NLGN4X: variants seen among roughly 807,000 people sequenced by gnomAD.
NLGN4X encodes the protein neuroligin 4 X-linked, also known as neuroligin-4, X-linked.
Under a neutral mutation model 40.3 loss-of-function variants are expected in NLGN4X, and 3 were observed. That is an observed-to-expected ratio of 0.07 (90% confidence interval 0.03 to 0.19). The LOEUF is 0.19. Ranked by LOEUF, NLGN4X falls within the 10% of genes least tolerant of loss-of-function variation. The pLI is 1.00. For missense variants in NLGN4X, 382 were observed against 708.3 expected (o/e 0.54, Z 5.23); for synonymous variants, 270 against 306.8 (o/e 0.88, Z 1.25).
chrX:6,035,085 G>A, intron 2 of NLGN4X, among the ~76,000 whole-genome samples: 1 of 111,753 alleles, frequency 8.9e-6, no homozygotes, highest in Admixed American at 9.5e-5. Context: ...CACTGTCTTT[G>A]CAGAAATGTC....
intron 1 of NLGN4X, among the ~76,000 whole-genome samples, chrX:6,210,683 T>G (rs1924522662): frequency 8.9e-6 from 1 of 111,936 alleles, no homozygotes; most frequent in Non-Finnish European, 1.9e-5. Flanking sequence ...CAACTACATT[T>G]TCCAATTCTA....
chrX:5,964,106 G>C (rs1035479758), intron 3 of NLGN4X, among the ~76,000 whole-genome samples: 5 of 111,588 alleles, frequency 4.5e-5, no homozygotes, highest in African/African-American at 1.6e-4. Context: ...GTAAAGACTG[G>C]AGCCAGTCAG....
At chrX:6,128,482 T>C (rs1351300536) in intron 2 of NLGN4X, among the ~76,000 whole-genome samples, 3 of 112,341 alleles carry the variant, frequency 2.7e-5, no homozygotes, top group Non-Finnish European at 3.8e-5. Context: ...TTTTAACAGC[T>C]GGTATTCAAT....
intron 1 of NLGN4X, among the ~76,000 whole-genome samples, chrX:6,172,211 T>C (rs1248022942): frequency 8.9e-6 from 1 of 112,348 alleles, no homozygotes; most frequent in Non-Finnish European, 1.9e-5. Context: ...ATATATTTGT[T>C]CTTCTGAAAT....
chrX:5,992,842 G>T (rs959507957), intron 3 of NLGN4X, among the ~76,000 whole-genome samples: 50 of 111,009 alleles, frequency 4.5e-4, no homozygotes, highest in African/African-American at 1.5e-3. Context: ...AATAGAGCAA[G>T]AACTCAGGCA....
intron 2 of NLGN4X, among the ~76,000 whole-genome samples, chrX:6,137,772 T>C (rs2039852819): frequency 8.9e-6 from 1 of 112,370 alleles, no homozygotes; most frequent in Admixed American, 9.5e-5. Flanking sequence ...TCCCTAATGA[T>C]GAGCTCCATT....
intron 3 of NLGN4X, among the ~76,000 whole-genome samples, chrX:5,996,527 T>G (rs1196718455): frequency 9.0e-6 from 1 of 111,638 alleles, no homozygotes; most frequent in East Asian, 2.8e-4. Context: ...CTTTCCCATT[T>G]ACCGGTGCAG....
At chrX:6,115,976 GAGTTACCTTT>G (rs1602257561) in intron 2 of NLGN4X, among the ~76,000 whole-genome samples, 1 of 110,680 alleles carries the variant, frequency 9.0e-6, no homozygotes, top group African/African-American at 3.3e-5. Context: ...CACGGAGTTA[GAGTTACCTTT>G]ACAAATGTAA....
At chrX:5,927,599 G>C (rs1232988761) in intron 3 of NLGN4X, among the ~76,000 whole-genome samples, 1 of 112,309 alleles carries the variant, frequency 8.9e-6, no homozygotes, top group Middle Eastern at 4.6e-3. Flanking sequence ...TTCTTGCAGC[G>C]CTAAAACCAG....
intron 1 of NLGN4X, among the ~76,000 whole-genome samples, chrX:6,184,306 T>C (rs757602673): frequency 1.8e-5 from 2 of 112,020 alleles, no homozygotes; most frequent in East Asian, 5.6e-4. Context: ...CTTTGCCAGA[T>C]TTTATTTGTT....
At chrX:6,180,727 A>T in intron 1 of NLGN4X, among the ~76,000 whole-genome samples, 1 of 109,863 alleles carries the variant, frequency 9.1e-6, no homozygotes, top group Non-Finnish European at 1.9e-5. Flanking sequence ...GAACTGTACT[A>T]AAAAAAAATG....
chrX:6,146,904 C>G (rs1188270193), intron 2 of NLGN4X, among the ~76,000 whole-genome samples: 1 of 110,228 alleles, frequency 9.1e-6, no homozygotes, highest in African/African-American at 3.3e-5. Context: ...CATTCTCCTG[C>G]CTCAGCCTCC....
intron 2 of NLGN4X, among the ~76,000 whole-genome samples, chrX:6,100,124 T>A (rs1180249917): frequency 8.9e-6 from 1 of 112,853 alleles, no homozygotes; most frequent in Non-Finnish European, 1.9e-5. Flanking sequence ...TCTGGCTAGT[T>A]ATCTGCAGCA....
At chrX:6,193,196 C>T (rs1055242166) in intron 1 of NLGN4X, among the ~76,000 whole-genome samples, 3 of 110,135 alleles carry the variant, frequency 2.7e-5, no homozygotes, top group Non-Finnish European at 5.7e-5. Flanking sequence ...CCGAGGTGGG[C>T]GGATCACGAG....
chrX:5,907,424 G>C (rs761868787), intron 4 of NLGN4X, among the ~76,000 whole-genome samples: 2 of 111,658 alleles, frequency 1.8e-5, no homozygotes, highest in Non-Finnish European at 3.8e-5. Flanking sequence ...AGCCTCCGGG[G>C]AAAGCCTCAG....
intron 2 of NLGN4X, among the ~76,000 whole-genome samples, chrX:6,140,841 G>C (rs1265511756): frequency 9.1e-6 from 1 of 109,739 alleles, no homozygotes; most frequent in Non-Finnish European, 1.9e-5. Context: ...ACCTCCCCAA[G>C]TGCTAGGATT....
At chrX:6,060,950 A>T (rs1163773260) in intron 2 of NLGN4X, among the ~76,000 whole-genome samples, 1 of 111,415 alleles carries the variant, frequency 9.0e-6, no homozygotes, top group Non-Finnish European at 1.9e-5. Flanking sequence ...GGACAAATAC[A>T]CACTTGCAAG....
chrX:6,091,394 CCTT>C (rs1464243350), intron 2 of NLGN4X, among the ~76,000 whole-genome samples: 1 of 110,992 alleles, frequency 9.0e-6, no homozygotes, highest in East Asian at 2.8e-4. Context: ...CTACAAGATC[CCTT>C]CTTATGTCTC....
intron 2 of NLGN4X, among the ~76,000 whole-genome samples, chrX:6,118,145 C>T (rs976061138): frequency 9.1e-6 from 1 of 109,773 alleles, no homozygotes; most frequent in African/African-American, 3.3e-5. Flanking sequence ...TCTCTCTCTC[C>T]TCCTCTTCAT....
Sources: allele counts gnomAD v4.1 joint callset (sites outside exome capture counted in the v4.1 genomes callset), GRCh38; gene constraint gnomAD v4.1.1; transcripts MANE v1.5; gene names NCBI Gene and HGNC (gene_info 2026-07-23, HGNC 2026-07-21).